DOCK2: variants seen among roughly 807,000 people sequenced by gnomAD.
DOCK2 encodes dedicator of cytokinesis protein 2.
In DOCK2, 87 loss-of-function variants were observed where a neutral mutation model predicts 248.9. That is an observed-to-expected ratio of 0.35 (90% confidence interval 0.29 to 0.42). The LOEUF is 0.42. Among genes scored for constraint, DOCK2 ranks in the 10% least tolerant of loss-of-function variants. The pLI, the probability that DOCK2 is intolerant of heterozygous loss-of-function variation, is 1.00. For missense variants in DOCK2, 1,747 were observed against 2,300.2 expected (o/e 0.76, Z 4.92); for synonymous variants, 805 against 821.6 (o/e 0.98, Z 0.35).
intron 27 of DOCK2, among the ~76,000 whole-genome samples, chr5:169,969,736 TGAGGGG>T (rs1777433049): frequency 6.6e-6 from 1 of 152,190 alleles, no homozygotes; most frequent in South Asian, 2.1e-4. Context: ...TACCTAGGAC[TGAGGGG>T]TTTCCCAGGA....
chr5:169,846,853 C>T (rs1244329506), intron 27 of DOCK2, among the ~76,000 whole-genome samples: 1 of 151,838 alleles, frequency 6.6e-6, no homozygotes, highest in Non-Finnish European at 1.5e-5. Flanking sequence ...GCCCCCCTTC[C>T]ACCCTCCCCC....
At chr5:169,968,191 A>G (rs1011364822) in intron 27 of DOCK2, among the ~76,000 whole-genome samples, 8 of 152,152 alleles carry the variant, frequency 5.3e-5, no homozygotes, top group Non-Finnish European at 1.0e-4. Flanking sequence ...CTTGACCCCA[A>G]TCATGGGCTG....
Position 169,886,816 on chromosome 5 carries a change from C to T in DOCK2, c.2799+45964C>T, listed in dbSNP as rs190397047. 5.9e-5 allele frequency among the ~76,000 whole-genome samples: 9 copies of T among 152,270 alleles called. No individual in the cohort carries two copies. The East Asian group carries it at 1.5e-3, about 26-fold the overall frequency. On this transcript the variant is annotated intron_variant, in intron 27 of 51. Transcript: ENST00000520908. The stretch of plus-strand genomic sequence containing the variant: ...TGCTTTCTTCTTAACTGCTCATTAG[C>T]ACTTCATTCTGGGAACGATAACTCA...
intron 25 of DOCK2, among the ~76,000 whole-genome samples, chr5:169,767,892 C>T (rs1255089795): frequency 6.6e-6 from 1 of 152,134 alleles, no homozygotes; most frequent in Non-Finnish European, 1.5e-5. Context: ...AAATATTACA[C>T]AACGTATTAG....
chr5:169,849,941 G>A (rs1415706398), intron 27 of DOCK2, among the ~76,000 whole-genome samples: 1 of 152,202 alleles, frequency 6.6e-6, no homozygotes, highest in East Asian at 1.9e-4. Flanking sequence ...CTAAATGAAT[G>A]AAAGATGTTT....
intron 27 of DOCK2, among the ~76,000 whole-genome samples, chr5:169,919,515 G>C (rs1775057940): frequency 1.3e-5 from 2 of 152,144 alleles, no homozygotes; most frequent in African/African-American, 2.4e-5. Context: ...TCTACCATCT[G>C]GTTTTGTTTT....
At position 169,801,658 on chromosome 5, in the gene DOCK2, A is replaced by T. The variant is rs539148073; in HGVS notation, c.2555-1400A>T. The stretch of plus-strand genomic sequence containing the variant: ...AGGGAGCCTATGACAGCTTCTCAGG[A>T]TTATAGCCCATGACAGTATGACTCC... On this transcript the variant is annotated intron_variant, in intron 25 of 51. Coordinates refer to ENST00000520908, the MANE Select transcript of DOCK2 (RefSeq NM_004946.3). Among the ~76,000 whole-genome samples, 3 of 152,258 alleles carry T rather than the reference A, an allele frequency of 2.0e-5. No individual in the cohort carries two copies. The South Asian group carries it at 6.2e-4, about 32-fold the overall frequency.
At chr5:169,718,526 G>A (rs1762021997) in intron 21 of DOCK2, 131 bp from the exon 22 acceptor site, 1 of 892,974 alleles carries the variant, frequency 1.1e-6, no homozygotes, top group Non-Finnish European at 1.6e-6. Context: ...TTATCTTTAT[G>A]CTTACAAATG....
At chr5:169,963,334 G>A (rs941095202) in intron 27 of DOCK2, among the ~76,000 whole-genome samples, 5 of 152,070 alleles carry the variant, frequency 3.3e-5, no homozygotes, top group Admixed American at 2.6e-4. Flanking sequence ...GACTTGGCTG[G>A]CATTGACAGG....
At chr5:169,710,772 A>G (rs370179719) in intron 15 of DOCK2, among the ~76,000 whole-genome samples, 9 of 152,218 alleles carry the variant, frequency 5.9e-5, no homozygotes, top group East Asian at 1.9e-4. Context: ...CCCATACCCA[A>G]TGCCTTCGAA....
At chr5:170,076,203 A>C in intron 47 of DOCK2, 119 bp downstream of exon 47, 5 of 1,398,318 alleles carry the variant, frequency 3.6e-6, no homozygotes, top group Non-Finnish European at 4.8e-6. Flanking sequence ...AGAGAAGATA[A>C]TGATGGCCAG....
At chr5:169,935,970 G>A (rs1027963608) in intron 27 of DOCK2, among the ~76,000 whole-genome samples, 1 of 152,160 alleles carries the variant, frequency 6.6e-6, no homozygotes, top group Admixed American at 6.5e-5. Flanking sequence ...AAAAGGCCAG[G>A]TACACAGCCT....
At chr5:169,704,351 C>T (rs1761129305) in intron 14 of DOCK2, among the ~76,000 whole-genome samples, 1 of 152,180 alleles carries the variant, frequency 6.6e-6, no homozygotes, top group Admixed American at 6.5e-5. Context: ...TCCTCCTGCT[C>T]TAGGTGCATG....
At chr5:170,055,484 G>A (rs1352184004) in intron 42 of DOCK2, 98 bp downstream of exon 42, 9 of 1,119,004 alleles carry the variant, frequency 8.0e-6, no homozygotes, top group Non-Finnish European at 1.2e-5. Context: ...TGTCTTTCTA[G>A]TTCCTTCTCT....
intron 26 of DOCK2, among the ~76,000 whole-genome samples, chr5:169,805,181 C>G (rs147249805): frequency 6.8e-6 from 1 of 147,850 alleles, no homozygotes; most frequent in Admixed American, 6.8e-5. Context: ...GAGTTTGAGA[C>G]CAGCCTGGGC....
At chr5:169,694,214 C>T (rs927757337) in intron 9 of DOCK2, among the ~76,000 whole-genome samples, 7 of 152,244 alleles carry the variant, frequency 4.6e-5, no homozygotes, top group East Asian at 1.9e-4. Flanking sequence ...TGTGAGCCGA[C>T]AGCTTATTCC....
At chr5:169,802,982 CATT>C (rs1767094515) in intron 25 of DOCK2, 73 bp from the exon 26 acceptor site, 7 of 1,494,388 alleles carry the variant, frequency 4.7e-6, no homozygotes, top group Middle Eastern at 1.8e-4. Flanking sequence ...TTTAATGAAA[CATT>C]GTATGCATAT....
chr5:169,717,611 AAATCT>A, intron 21 of DOCK2, 127 bp downstream of exon 21: 1 of 831,632 alleles, frequency 1.2e-6, no homozygotes. Flanking sequence ...TTCTCTAACA[AAATCT>A]AACCTATGCT....
chr5:169,741,017 T>G (rs111906397), intron 22 of DOCK2, among the ~76,000 whole-genome samples: 3 of 152,086 alleles, frequency 2.0e-5, no homozygotes, highest in East Asian at 3.9e-4. Context: ...TGTATTTTTT[T>G]GTGGAGACAT....
Sources: allele counts gnomAD v4.1 joint callset (sites outside exome capture counted in the v4.1 genomes callset), GRCh38; gene constraint gnomAD v4.1.1; transcripts MANE v1.5; gene names NCBI Gene and HGNC (gene_info 2026-07-23, HGNC 2026-07-21).